Variants in TSNARE1 observed in about 807,000 individuals in gnomAD.
TSNARE1 encodes the protein t-SNARE domain containing 1.
A neutral mutation model predicts 62.0 loss-of-function variants in TSNARE1; 49 were observed. The observed-to-expected ratio is 0.79, with a 90% CI of 0.63 to 1.00. The LOEUF (loss-of-function observed/expected upper bound fraction) is 1.00, where lower values mean the gene tolerates loss of function less well. TSNARE1 is among the 50% of genes least tolerant of loss of function. The pLI is 0.00. For synonymous variants in TSNARE1, 328 were observed against 294.4 expected (o/e 1.11, Z -1.17); for missense variants, 755 against 700.1 (o/e 1.08, Z -0.88).
chr8:142,334,343 T>C (rs1831464508), intron 4 of TSNARE1, among the ~76,000 whole-genome samples: 2 of 152,198 alleles, frequency 1.3e-5, no homozygotes, highest in African/African-American at 2.4e-5. Flanking sequence ...TAAATTTATT[T>C]CAGCTCAAGT....
chr8:142,277,922 A>G lies in TSNARE1; in HGVS notation c.1364-3059T>C. On this transcript the variant is annotated intron_variant, in intron 11 of 13. Transcript: ENST00000524325. ...CCAGGCCCCTCCTTCTCAGCCCCACACCACATGTCTATCCTTGCCATGAAG... is the reference window on the plus strand; with the variant it reads ...CCAGGCCCCTCCTTCTCAGCCCCACGCCACATGTCTATCCTTGCCATGAAG... 4.1e-6 allele frequency: 4 copies of G among 975,748 alleles called. No individual in the cohort carries two copies. The South Asian group carries it at 1.9e-4, about 46-fold the overall frequency. 60.4% of individuals were successfully genotyped at this position (975,748 alleles called of 1,614,324 possible).
intron 1 of TSNARE1, among the ~76,000 whole-genome samples, chr8:142,390,202 T>C (rs979861439): frequency 6.6e-6 from 1 of 152,230 alleles, no homozygotes; most frequent in Non-Finnish European, 1.5e-5. Flanking sequence ...CAAGTGAATG[T>C]GAAGGCCTGG....
In TSNARE1 at chr8:142,345,729, T is replaced by A; in HGVS notation, c.238+14A>T. 1 of 1,577,860 alleles carries A rather than the reference T, an allele frequency of 6.3e-7. No individual in the cohort carries two copies. Among genetic ancestry groups the A allele is most frequent in the Non-Finnish European group, 8.6e-7 (1 of 1,160,178 alleles). On this transcript the variant is annotated intron_variant, in intron 3 of 13. Transcript: ENST00000524325. ...TTCCCAGGACCCCTGAGACCCAGCG[T>A]CTGAGTGAAGTACCTCGCTTCCTGG...
intron 6 of TSNARE1, among the ~76,000 whole-genome samples, chr8:142,325,440 AAGAGG>A (rs1284128146): frequency 6.6e-6 from 1 of 152,204 alleles, no homozygotes; most frequent in Non-Finnish European, 1.5e-5. Flanking sequence ...TGGGGAGGCC[AAGAGG>A]AGACAGTGCA....
intron 1 of TSNARE1, among the ~76,000 whole-genome samples, chr8:142,397,532 A>C (rs1276624826): frequency 6.6e-6 from 1 of 152,116 alleles, no homozygotes; most frequent in East Asian, 1.9e-4. Flanking sequence ...CCCTACCTGG[A>C]TGTTACGTAA....
intron 12 of TSNARE1, chr8:142,273,474 C>T (rs903087300): frequency 2.0e-6 from 2 of 985,320 alleles, no homozygotes; most frequent in African/African-American, 3.5e-5. Context: ...TGAGGCCAAA[C>T]AGCCCAGAGC....
At chr8:142,400,514 G>A (rs1186326145) in intron 1 of TSNARE1, among the ~76,000 whole-genome samples, 1 of 151,698 alleles carries the variant, frequency 6.6e-6, no homozygotes. Flanking sequence ...GCCGAGGTGG[G>A]TGGATCACAA....
chr8:142,329,412 G>A (rs1830701609), intron 6 of TSNARE1, among the ~76,000 whole-genome samples: 1 of 152,230 alleles, frequency 6.6e-6, no homozygotes, highest in Non-Finnish European at 1.5e-5. Context: ...GGCGGCCCAG[G>A]ATGCGCACAT....
chr8:142,375,858 C>T (rs1169719596), intron 1 of TSNARE1, among the ~76,000 whole-genome samples: 3 of 152,272 alleles, frequency 2.0e-5, no homozygotes, highest in Admixed American at 2.0e-4. Context: ...AGCACAGGCC[C>T]AGGCTGGGGT....
At chr8:142,302,183 A>G (rs1825896321) in intron 9 of TSNARE1, among the ~76,000 whole-genome samples, 2 of 152,022 alleles carry the variant, frequency 1.3e-5, no homozygotes, top group African/African-American at 4.8e-5. Context: ...TGCAGCCCTC[A>G]GGAGCAGACC....
intron 12 of TSNARE1, among the ~76,000 whole-genome samples, chr8:142,241,584 T>A (rs758491706): frequency 5.3e-5 from 8 of 151,802 alleles, no homozygotes; most frequent in Non-Finnish European, 8.8e-5. Context: ...GCTGGAGAGG[T>A]CACATTAAAT....
intron 12 of TSNARE1, among the ~76,000 whole-genome samples, chr8:142,259,969 C>T (rs1013020500): frequency 6.6e-6 from 1 of 152,014 alleles, no homozygotes; most frequent in Non-Finnish European, 1.5e-5. Flanking sequence ...CCCAAACTGG[C>T]CCCACCCTGC....
At chr8:142,277,609 G>A in intron 11 of TSNARE1, 3 of 985,400 alleles carry the variant, frequency 3.0e-6, no homozygotes, top group Non-Finnish European at 3.6e-6. Context: ...AGGAAGTCTG[G>A]CCCTGTCCTA....
At chr8:142,304,512 G>T (rs1236299209) in intron 9 of TSNARE1, among the ~76,000 whole-genome samples, 1 of 152,228 alleles carries the variant, frequency 6.6e-6, no homozygotes, top group Non-Finnish European at 1.5e-5. Flanking sequence ...GCAGAGCACA[G>T]CAGCTGTGCA....
chr8:142,331,087 C>T, intron 5 of TSNARE1, 117 bp from the exon 6 acceptor site: 1 of 894,766 alleles, frequency 1.1e-6, no homozygotes, highest in Non-Finnish European at 1.8e-6. Context: ...GGGACCAGTG[C>T]TTGAGCCAGG....
At chr8:142,358,384 G>A (rs1337983937) in intron 1 of TSNARE1, among the ~76,000 whole-genome samples, 1 of 152,152 alleles carries the variant, frequency 6.6e-6, no homozygotes, top group African/African-American at 2.4e-5. Context: ...AGGTAGGAAC[G>A]CTCATGGGAG....
intron 12 of TSNARE1, among the ~76,000 whole-genome samples, chr8:142,232,024 A>G (rs991826297): frequency 1.3e-5 from 2 of 152,246 alleles, no homozygotes; most frequent in Non-Finnish European, 2.9e-5. Flanking sequence ...AAGGGCATGG[A>G]AAAGAAACAG....
chr8:142,336,956 T>G (rs1317637982), intron 4 of TSNARE1, among the ~76,000 whole-genome samples: 1 of 151,736 alleles, frequency 6.6e-6, no homozygotes, highest in South Asian at 2.1e-4. Context: ...AATAACTGAA[T>G]GAAATAAAAA....
At chr8:142,255,485 TCATCATCAC>T in intron 12 of TSNARE1, among the ~76,000 whole-genome samples, 1 of 11,714 alleles carries the variant, frequency 8.5e-5, no homozygotes, top group Non-Finnish European at 1.7e-4. Context: ...ACCATCACCA[TCATCATCAC>T]CACCACCACC....
Sources: allele counts gnomAD v4.1 joint callset (sites outside exome capture counted in the v4.1 genomes callset), GRCh38; gene constraint gnomAD v4.1.1; transcripts MANE v1.5; gene names NCBI Gene and HGNC (gene_info 2026-07-23, HGNC 2026-07-21).